The following CHRNA7 variants were observed in gnomAD, a reference collection of about 807,000 sequenced individuals.
The protein encoded by CHRNA7 is neuronal acetylcholine receptor subunit alpha-7.
CHRNA7 carries 17 observed loss-of-function variants against 48.0 expected under a neutral mutation model. The ratio of observed to expected loss-of-function variants is 0.35; its 90% confidence interval spans 0.24 to 0.53. The LOEUF (loss-of-function observed/expected upper bound fraction) is 0.53. Ranked by LOEUF, CHRNA7 falls within the 20% of genes least tolerant of loss-of-function variation. The probability of loss-of-function intolerance (pLI) is 0.92; values close to 1 mark genes in which losing one functional copy is unlikely to be tolerated. For synonymous variants in CHRNA7, 75 were observed against 242.3 expected (o/e 0.31, Z 6.41); for missense variants, 155 against 577.7 (o/e 0.27, Z 7.50).
At chr15:32,093,201 C>T (rs2050410831) in intron 2 of CHRNA7, among the ~76,000 whole-genome samples, 1 of 152,180 alleles carries the variant, frequency 6.6e-6, no homozygotes, top group African/African-American at 2.4e-5. Context: ...CTCTACTCCA[C>T]AATCTTCCTA....
In CHRNA7 at chr15:32,063,871, T is replaced by C. The variant is rs551180681; in HGVS notation, c.195+32834T>C. The stretch of plus-strand genomic sequence containing the variant: ...CTACTTTGTATTATTTCAATAGCTA[T>C]CAACTAGAGAATTTCCCTTGCCATT... On this transcript the variant is annotated intron_variant, in intron 2 of 9. Coordinates refer to ENST00000306901, the MANE Select transcript of CHRNA7 (RefSeq NM_000746.6). 1.2e-4 allele frequency among the ~76,000 whole-genome samples: 18 copies of C among 152,352 alleles called. No homozygotes were observed. In the South Asian group the frequency reaches 3.7e-3, roughly 32 times the overall value.
intron 2 of CHRNA7, among the ~76,000 whole-genome samples, chr15:32,083,917 G>T (rs753386162): frequency 3.9e-5 from 6 of 152,168 alleles, no homozygotes; most frequent in Non-Finnish European, 7.4e-5. Flanking sequence ...AAGAAGAAAA[G>T]GGTTTATGAA....
intron 2 of CHRNA7, among the ~76,000 whole-genome samples, chr15:32,055,698 G>A (rs188001130): frequency 7.9e-4 from 120 of 152,250 alleles, no homozygotes; most frequent in Non-Finnish European, 1.5e-3. Flanking sequence ...CATTGCAGTT[G>A]GCCAGGCGTG....
chr15:32,151,500 G>T (rs2051628588), intron 4 of CHRNA7, among the ~76,000 whole-genome samples: 1 of 151,968 alleles, frequency 6.6e-6, no homozygotes, highest in Non-Finnish European at 1.5e-5. Context: ...GCTGTGAGAA[G>T]TGTCTTCGTG....
At chr15:32,076,904 C>T (rs1293758088) in intron 2 of CHRNA7, among the ~76,000 whole-genome samples, 1 of 152,038 alleles carries the variant, frequency 6.6e-6, no homozygotes, top group Non-Finnish European at 1.5e-5. Flanking sequence ...GTTTCACTGC[C>T]CCCCAAGTCT....
intron 2 of CHRNA7, among the ~76,000 whole-genome samples, chr15:32,041,469 C>G (rs139841078): frequency 6.6e-6 from 1 of 152,210 alleles, no homozygotes; most frequent in South Asian, 2.1e-4. Flanking sequence ...GTCACGCTGC[C>G]GCTGATCTGA....
intron 4 of CHRNA7, among the ~76,000 whole-genome samples, chr15:32,145,260 A>C (rs1478290050): frequency 6.6e-6 from 1 of 152,116 alleles, no homozygotes; most frequent in African/African-American, 2.4e-5. Context: ...CAGAACAGCA[A>C]ACATTGCTGC....
intron 4 of CHRNA7, among the ~76,000 whole-genome samples, chr15:32,127,725 T>C (rs774790675): frequency 6.6e-6 from 1 of 152,122 alleles, no homozygotes; most frequent in Non-Finnish European, 1.5e-5. Flanking sequence ...TTGTCAGATA[T>C]GTGTTTTGAA....
intron 3 of CHRNA7, among the ~76,000 whole-genome samples, chr15:32,107,395 G>A (rs1428608111): frequency 1.3e-5 from 2 of 151,444 alleles, no homozygotes; most frequent in Non-Finnish European, 2.9e-5. Context: ...CAGAGCTCAG[G>A]AAAATACTTT....
intron 2 of CHRNA7, among the ~76,000 whole-genome samples, chr15:32,089,308 GT>G (rs958938408): frequency 8.5e-4 from 125 of 147,306 alleles, no homozygotes; most frequent in African/African-American, 2.7e-3. Context: ...TGGATAATCT[GT>G]TTTTTTTTTC....
In CHRNA7 at chr15:32,030,523, G is replaced by C. The variant is rs1186461115; in HGVS notation, c.-72G>C. 3 of 1,342,416 alleles carry C rather than the reference G, an allele frequency of 2.2e-6. No individual in the cohort carries two copies. The African/African-American group carries it at 4.6e-5, about 21-fold the overall frequency. The allele number at this position is 1,342,416 out of a possible 1,614,324, so 83.2% of individuals were successfully genotyped here. ...GAGCCGAGCGGCGAGGTGCCTCTGT[G>C]GCCGCAGGCGCAGGCCCGGGCGACA... On this transcript the variant is annotated 5_prime_UTR_variant, in exon 1 of 10. Transcript: ENST00000306901.
intron 2 of CHRNA7, among the ~76,000 whole-genome samples, chr15:32,064,027 A>T (rs990060214): frequency 2.0e-5 from 3 of 152,150 alleles, no homozygotes; most frequent in African/African-American, 7.2e-5. Flanking sequence ...ACACTTGATG[A>T]ATAGTGTGGC....
chr15:32,071,299 A>G (rs1393430020), intron 2 of CHRNA7, among the ~76,000 whole-genome samples: 1 of 152,204 alleles, frequency 6.6e-6, no homozygotes, highest in East Asian at 1.9e-4. Flanking sequence ...TATCGTATGT[A>G]TATCAACAAA....
intron 7 of CHRNA7, chr15:32,159,018 C>T (rs1196926157): frequency 3.7e-5 from 9 of 243,210 alleles, no homozygotes; most frequent in Non-Finnish European, 3.1e-5. Context: ...CACTCCCATA[C>T]GAAGCTAAGG....
intron 2 of CHRNA7, among the ~76,000 whole-genome samples, chr15:32,060,432 T>C (rs568392208): frequency 2.6e-5 from 4 of 152,278 alleles, no homozygotes; most frequent in Admixed American, 2.0e-4. Flanking sequence ...TCACATAACT[T>C]TCACATAAAC....
intron 4 of CHRNA7, among the ~76,000 whole-genome samples, chr15:32,119,966 C>T (rs77205559): frequency 6.6e-6 from 1 of 152,330 alleles, no homozygotes; most frequent in Non-Finnish European, 1.5e-5. Flanking sequence ...CTGAAGGTCC[C>T]ATGCACTGCG....
chr15:32,099,114 A>G (rs2050526102), intron 2 of CHRNA7: 1 of 152,282 alleles, frequency 6.6e-6, no homozygotes, highest in Non-Finnish European at 1.5e-5. Context: ...GAGGAGGGTG[A>G]TCTGATCATA....
rs573318528 is a variant in CHRNA7, at chr15:32,080,841, T to A, written c.196-20462T>A. Among the ~76,000 whole-genome samples the A allele has an allele frequency of 3.3e-5, 5 of 152,272 alleles. No homozygotes were observed. The South Asian group carries it at 1.0e-3, about 32-fold the overall frequency. ...TCATTCTATTACAAAGATACATGCA[T>A]GTGTATGTTCATTGTAGCACTATTC... On this transcript the variant is annotated intron_variant, in intron 2 of 9. Coordinates refer to ENST00000306901, the MANE Select transcript of CHRNA7 (RefSeq NM_000746.6).
At chr15:32,121,494 C>CCAGT (rs1404412971) in intron 4 of CHRNA7, among the ~76,000 whole-genome samples, 4 of 152,194 alleles carry the variant, frequency 2.6e-5, no homozygotes, top group African/African-American at 9.6e-5. Flanking sequence ...CGTGCCTTTC[C>CCAGT]CAGTCCTTGA....
Sources: gnomAD v4.1 joint callset for allele counts (sites outside exome capture counted in the v4.1 genomes callset) on GRCh38, gnomAD v4.1.1 for gene constraint, MANE v1.5 for transcripts, NCBI Gene and HGNC (gene_info 2026-07-23, HGNC 2026-07-21) for gene names.